Variants in FSIP1 observed in about 807,000 individuals in gnomAD.
The protein encoded by FSIP1 is fibrous sheath interacting protein 1, also known as fibrous sheath-interacting protein 1.
Under a neutral mutation model 60.9 loss-of-function variants are expected in FSIP1, and 65 were observed. That is an observed-to-expected ratio of 1.07 (90% CI 0.87 to 1.31). FSIP1 has a LOEUF of 1.31. FSIP1 is among the 40% of genes most tolerant of loss of function. FSIP1 has a pLI of 0.00. For missense variants in FSIP1, 675 were observed against 665.5 expected (o/e 1.01, Z -0.16); for synonymous variants, 209 against 221.2 (o/e 0.94, Z 0.49).
At chr15:39,679,333 A>G (rs1894068540) in intron 10 of FSIP1, among the ~76,000 whole-genome samples, 1 of 152,336 alleles carries the variant, frequency 6.6e-6, no homozygotes, top group South Asian at 2.1e-4. Context: ...GGCCTTGTGC[A>G]TTTGTCTGAC....
chr15:39,776,552 T>C lies in FSIP1; in HGVS notation c.-7-21A>G, dbSNP rs763368508. 4.5e-6 allele frequency: 7 copies of C among 1,570,064 alleles called. No individual in the cohort carries two copies. In the East Asian group the frequency reaches 9.0e-5, roughly 20 times the overall value. ...AAATCCTGAAACAACAAATAAAATA[T>C]TTAATACCAAGCGACTCGGATATTT... On this transcript the variant is annotated intron_variant, in intron 1 of 11. Coordinates refer to ENST00000350221, the MANE Select transcript of FSIP1 (RefSeq NM_152597.5).
chr15:39,607,203 A>G (rs1019460829), intron 11 of FSIP1, among the ~76,000 whole-genome samples: 1 of 152,072 alleles, frequency 6.6e-6, no homozygotes, highest in East Asian at 1.9e-4. Flanking sequence ...CCAAGGCTCC[A>G]TGCTTCGCTC....
At chr15:39,670,472 C>T (rs1473748071) in intron 10 of FSIP1, among the ~76,000 whole-genome samples, 2 of 152,112 alleles carry the variant, frequency 1.3e-5, no homozygotes, top group Non-Finnish European at 2.9e-5. Flanking sequence ...TATTTTCTCT[C>T]TTTTGTCTTT....
At chr15:39,764,300 C>T (rs569421599) in intron 4 of FSIP1, among the ~76,000 whole-genome samples, 1 of 152,214 alleles carries the variant, frequency 6.6e-6, no homozygotes, top group Non-Finnish European at 1.5e-5. Flanking sequence ...TAAAAACTTG[C>T]TTGAGATTCA....
At position 39,617,940 on chromosome 15, in the gene FSIP1, G is replaced by A; in HGVS notation, c.1494C>T (p.Val498=). The change falls in exon 11 of 12, where the codon GTC becomes GTT. Residue 498 remains valine, a synonymous_variant. Transcript: ENST00000350221. Reference sequence around the variant, plus strand: ...GGCATTTCATATTCTCTGCTTCAGTGACAAGAGCTTCTGACATGTTATGTC... The same window carrying A: ...GGCATTTCATATTCTCTGCTTCAGTAACAAGAGCTTCTGACATGTTATGTC... ...LTGHNMSEAL[V]TEAENMKCLQ... is the part of the protein sequence containing the mutation. The A allele has an allele frequency of 6.2e-7, 1 of 1,614,182 alleles. No homozygotes were observed. Among genetic ancestry groups the A allele is most frequent in the Non-Finnish European group, 8.5e-7 (1 of 1,180,024 alleles).
chr15:39,650,691 C>T (rs1044895281), intron 10 of FSIP1, among the ~76,000 whole-genome samples: 2 of 152,214 alleles, frequency 1.3e-5, no homozygotes, highest in African/African-American at 2.4e-5. Flanking sequence ...GGGAACTTCC[C>T]AGTTCTGACG....
chr15:39,609,843 G>A (rs145365641), intron 11 of FSIP1, among the ~76,000 whole-genome samples: 16 of 152,328 alleles, frequency 1.1e-4, no homozygotes, highest in Non-Finnish European at 1.3e-4. Context: ...TCAGACCACA[G>A]AGCACAGCCA....
chr15:39,757,566 GCTAA>G (rs1263399467), intron 5 of FSIP1, among the ~76,000 whole-genome samples: 1 of 151,980 alleles, frequency 6.6e-6, no homozygotes, highest in African/African-American at 2.4e-5. Context: ...TAAAGTAAAT[GCTAA>G]CTACTTTTTT....
chr15:39,620,839 C>CA (rs992588218), intron 10 of FSIP1, among the ~76,000 whole-genome samples: 1 of 150,668 alleles, frequency 6.6e-6, no homozygotes, highest in African/African-American at 2.4e-5. Flanking sequence ...CTTCTGACCT[C>CA]AAGTGATCCA....
At chr15:39,740,498 C>G (rs1896768240) in intron 6 of FSIP1, among the ~76,000 whole-genome samples, 3 of 152,074 alleles carry the variant, frequency 2.0e-5, no homozygotes, top group Admixed American at 2.0e-4. Context: ...TCATGTGAAC[C>G]CTTCATTAAA....
chr15:39,599,530 C>T (rs1400044782), downstream of FSIP1: 1 of 148,002 alleles, frequency 6.8e-6, no homozygotes, highest in Non-Finnish European at 1.5e-5. Flanking sequence ...CCCCTCCCCT[C>T]CCTCCTCCTT....
intron 11 of FSIP1, among the ~76,000 whole-genome samples, chr15:39,601,576 C>T (rs1890641123): frequency 6.6e-6 from 1 of 152,174 alleles, no homozygotes; most frequent in Non-Finnish European, 1.5e-5. Flanking sequence ...TGAAAGCATA[C>T]ATCCATACAA....
At chr15:39,605,989 C>T (rs1890809932) in intron 11 of FSIP1, among the ~76,000 whole-genome samples, 1 of 152,230 alleles carries the variant, frequency 6.6e-6, no homozygotes, top group African/African-American at 2.4e-5. Context: ...CTACCCAGAA[C>T]CCATGTTCCT....
chr15:39,751,023 G>A (rs576706080), intron 5 of FSIP1, among the ~76,000 whole-genome samples: 2 of 151,876 alleles, frequency 1.3e-5, no homozygotes, highest in South Asian at 4.2e-4. Flanking sequence ...ATATGAAAAG[G>A]TGCTCAACAT....
At chr15:39,732,367 C>T (rs1044100509) in intron 8 of FSIP1, among the ~76,000 whole-genome samples, 1 of 152,144 alleles carries the variant, frequency 6.6e-6, no homozygotes, top group Non-Finnish European at 1.5e-5. Context: ...CGCCTGTAAT[C>T]CCAGCACTCT....
intron 3 of FSIP1, among the ~76,000 whole-genome samples, chr15:39,769,602 A>G (rs1453473369): frequency 6.6e-6 from 1 of 152,252 alleles, no homozygotes; most frequent in Non-Finnish European, 1.5e-5. Flanking sequence ...GGTACACAGC[A>G]TAATTGCTTT....
At chr15:39,622,945 T>G (rs1891496548) in intron 10 of FSIP1, among the ~76,000 whole-genome samples, 1 of 152,190 alleles carries the variant, frequency 6.6e-6, no homozygotes, top group Non-Finnish European at 1.5e-5. Context: ...GGCTTTTGTG[T>G]GTACGTTTTA....
At chr15:39,633,431 T>C (rs1891994098) in intron 10 of FSIP1, among the ~76,000 whole-genome samples, 1 of 152,162 alleles carries the variant, frequency 6.6e-6, no homozygotes, top group Admixed American at 6.5e-5. Flanking sequence ...TAACTTAATC[T>C]AGTTTTTTTT....
intron 10 of FSIP1, among the ~76,000 whole-genome samples, chr15:39,637,160 C>A (rs752603494): frequency 1.3e-5 from 2 of 152,146 alleles, no homozygotes; most frequent in Non-Finnish European, 2.9e-5. Flanking sequence ...TCCAACTAAC[C>A]CAGACAAACC....
Sources: gnomAD v4.1 joint callset for allele counts (sites outside exome capture counted in the v4.1 genomes callset) on GRCh38, gnomAD v4.1.1 for gene constraint, MANE v1.5 for transcripts, NCBI Gene and HGNC (gene_info 2026-07-23, HGNC 2026-07-21) for gene names.